PTPRN2: variants seen among roughly 807,000 people sequenced by gnomAD.
PTPRN2 encodes the protein protein tyrosine phosphatase receptor type N2.
PTPRN2 carries 74 observed loss-of-function variants against 118.8 expected under a neutral mutation model. The ratio of observed to expected loss-of-function variants is 0.62; its 90% CI spans 0.52 to 0.76. The LOEUF is 0.76. Ranked by LOEUF, PTPRN2 falls within the 30% of genes least tolerant of loss-of-function variation. The pLI is 0.00. For synonymous variants in PTPRN2, 641 were observed against 608.0 expected (o/e 1.05, Z -0.80); for missense variants, 1,481 against 1,394.4 (o/e 1.06, Z -0.99).
chr7:157,780,837 G>T lies in PTPRN2; in HGVS notation c.1789-97900C>A, dbSNP rs1803637451. Among the ~76,000 whole-genome samples, 1 of 152,092 alleles carries T rather than the reference G, an allele frequency of 6.6e-6. No homozygotes were observed. Among genetic ancestry groups the T allele is most frequent in the Non-Finnish European group, 1.5e-5 (1 of 68,012 alleles). On this transcript the variant is annotated intron_variant, in intron 12 of 22. Transcript: ENST00000389418. The surrounding 1 kb of genome is among the most constrained non-coding windows in gnomAD (Gnocchi z 4.5). ...TCATCCGTGATGAGCTGCCCCGCGG[G>T]TCCCCACAGATCAATCAGGACAGAA...
intron 2 of PTPRN2, among the ~76,000 whole-genome samples, chr7:158,441,612 AGTGGTGGTGGTG>A (rs796173256): frequency 1.5e-5 from 2 of 132,424 alleles, no homozygotes; most frequent in South Asian, 5.2e-4. Context: ...TGGTGATGGC[AGTGGTGGTGGTG>A]GTGATAGTGA....
intron 13 of PTPRN2, among the ~76,000 whole-genome samples, chr7:157,657,070 C>T (rs1310001197): frequency 3.0e-5 from 4 of 131,716 alleles, no homozygotes; most frequent in Non-Finnish European, 6.4e-5. Context: ...ACACCACACA[C>T]GTCACACATA....
At chr7:158,366,132 C>T (rs113003367) in intron 2 of PTPRN2, among the ~76,000 whole-genome samples, 4 of 138,014 alleles carry the variant, frequency 2.9e-5, no homozygotes, top group Admixed American at 7.2e-5. Context: ...CACGCGTGCA[C>T]ATGCACACAC....
chr7:158,319,523 TCC>T (rs1802688799), intron 2 of PTPRN2, among the ~76,000 whole-genome samples: 2 of 24,432 alleles, frequency 8.2e-5, no homozygotes, highest in Admixed American at 9.0e-4. Flanking sequence ...ACACACAGCC[TCC>T]CTCACACACA....
At position 157,674,235 on chromosome 7, in the gene PTPRN2, T is replaced by C. The variant is rs1281064802; in HGVS notation, c.2001+8490A>G. Among the ~76,000 whole-genome samples the C allele has an allele frequency of 6.6e-6, 1 of 152,096 alleles. No homozygotes were observed. Among genetic ancestry groups the C allele is most frequent in the African/African-American group, 2.4e-5 (1 of 41,406 alleles). On this transcript the variant is annotated intron_variant, in intron 13 of 22. Coordinates refer to ENST00000389418, the MANE Select transcript of PTPRN2 (RefSeq NM_002847.5). The surrounding 1 kb of genome is among the most constrained non-coding windows in gnomAD (Gnocchi z 4.5). ...TGGAGAGCTCCGGGCCGAAGGGGAC[T>C]TGGGCCTGGGAGAGAAGAGACAGCC...
chr7:157,695,329 A>G (rs1260618880), intron 12 of PTPRN2, among the ~76,000 whole-genome samples: 3 of 152,198 alleles, frequency 2.0e-5, no homozygotes, highest in Non-Finnish European at 4.4e-5. Context: ...AAAACACCTG[A>G]GACTCTTGAT....
chr7:157,625,940 T>A (rs796579188), intron 14 of PTPRN2, among the ~76,000 whole-genome samples: 4 of 152,318 alleles, frequency 2.6e-5, no homozygotes, highest in African/African-American at 9.6e-5. Flanking sequence ...CAGCAAACTG[T>A]AAGGCAACCT....
At chr7:158,160,496 C>T (rs1364516597) in intron 6 of PTPRN2, among the ~76,000 whole-genome samples, 1 of 152,188 alleles carries the variant, frequency 6.6e-6, no homozygotes, top group Non-Finnish European at 1.5e-5. Context: ...TTCCCTGGTT[C>T]TCAATGCAAA....
intron 11 of PTPRN2, among the ~76,000 whole-genome samples, chr7:157,979,667 T>G (rs1330383879): frequency 1.3e-5 from 2 of 152,222 alleles, no homozygotes; most frequent in Admixed American, 1.3e-4. Flanking sequence ...TTCCTTTATC[T>G]ACCTCTGGTG....
In PTPRN2 at chr7:157,587,139, GCAGGCAGA is replaced by G. The variant is rs950227911; in HGVS notation, c.2496+8091_2496+8098del. On this transcript the variant is annotated intron_variant, in intron 17 of 22. Transcript: ENST00000389418. This position sits in a 1 kb window ranked among gnomAD's most constrained non-coding sequence, Gnocchi z 5.3. ...ACACAGCAGACAGGCAGATACACAG[GCAGGCAGA>G]CAGGCAGACAGGCAGGCAGACAGAC... 1.4e-4 allele frequency among the ~76,000 whole-genome samples: 21 copies of G among 152,136 alleles called. No homozygotes were observed. The highest frequency in any genetic ancestry group is 3.9e-4 in the African/African-American group (16 of 41,518).
At chr7:158,111,065 A>C in intron 9 of PTPRN2, 150 bp from the exon 10 acceptor site, 3 of 656,634 alleles carry the variant, frequency 4.6e-6, no homozygotes, top group Non-Finnish European at 7.8e-6. Context: ...AGGCACAAGG[A>C]GTCACCTGAG....
intron 14 of PTPRN2, among the ~76,000 whole-genome samples, chr7:157,651,866 G>A (rs1194510884): frequency 6.6e-6 from 1 of 152,196 alleles, no homozygotes; most frequent in East Asian, 1.9e-4. Context: ...CCAGAGAAAT[G>A]TACCGGTTTC....
At chr7:157,727,267 C>G (rs1163242336) in intron 12 of PTPRN2, among the ~76,000 whole-genome samples, 1 of 152,160 alleles carries the variant, frequency 6.6e-6, no homozygotes, top group South Asian at 2.1e-4. Flanking sequence ...AAAATGTGGT[C>G]CATCCACACT....
At chr7:158,264,809 G>GA (rs1266044984) in intron 3 of PTPRN2, among the ~76,000 whole-genome samples, 1 of 152,222 alleles carries the variant, frequency 6.6e-6, no homozygotes, top group Admixed American at 6.5e-5. Flanking sequence ...TAGGGTTCCA[G>GA]AACAGCGATG....
At chr7:157,713,495 AT>A (rs1402832797) in intron 12 of PTPRN2, among the ~76,000 whole-genome samples, 1 of 152,140 alleles carries the variant, frequency 6.6e-6, no homozygotes, top group East Asian at 1.9e-4. Context: ...AAAAAAAAAA[AT>A]CATTAAAATC....
chr7:157,728,128 C>T (rs1207215189), intron 12 of PTPRN2, among the ~76,000 whole-genome samples: 1 of 152,220 alleles, frequency 6.6e-6, no homozygotes, highest in Non-Finnish European at 1.5e-5. Flanking sequence ...GTCAGCTCAG[C>T]TGGGCAGACA....
At chr7:158,586,166 C>T (rs1339335437) in intron 1 of PTPRN2, among the ~76,000 whole-genome samples, 1 of 152,176 alleles carries the variant, frequency 6.6e-6, no homozygotes, top group Non-Finnish European at 1.5e-5. Flanking sequence ...ACCTCCTTTC[C>T]CAGCGCCTGT....
At position 157,818,444 on chromosome 7, in the gene PTPRN2, A is replaced by G. The variant is rs147288919; in HGVS notation, c.1788+80229T>C. ...ATCAATAATCTGGACATTTGGGAAG[A>G]TGTCTTGGGGGCCAGGTGCCCAAGC... On this transcript the variant is annotated intron_variant, in intron 12 of 22. Transcript: ENST00000389418. Among the ~76,000 whole-genome samples, 603 of 152,278 alleles carry G rather than the reference A, an allele frequency of 4.0e-3. 3 individuals carry two copies. Among genetic ancestry groups the G allele is most frequent in the African/African-American group, 0.014 (570 of 41,524 alleles).
intron 3 of PTPRN2, among the ~76,000 whole-genome samples, chr7:158,306,573 CAT>C (rs1194694032): frequency 2.0e-5 from 3 of 152,154 alleles, no homozygotes; most frequent in African/African-American, 7.2e-5. Context: ...GGTGGCCACA[CAT>C]GATGAAAAAA....
Sources: allele counts gnomAD v4.1 joint callset (sites outside exome capture counted in the v4.1 genomes callset), GRCh38; gene constraint gnomAD v4.1.1; non-coding constraint Gnocchi (gnomAD v3.1); transcripts MANE v1.5; gene names NCBI Gene and HGNC (gene_info 2026-07-23, HGNC 2026-07-21).